PAX1: variants seen among roughly 807,000 people sequenced by gnomAD.
The protein encoded by PAX1 is paired box 1, also known as paired box protein Pax-1.
PAX1 carries 18 observed loss-of-function variants against 35.6 expected under a neutral mutation model. The observed-to-expected ratio is 0.50, with a 90% confidence interval of 0.35 to 0.75. The LOEUF is 0.75. Among genes scored for constraint, PAX1 ranks in the 30% least tolerant of loss-of-function variants. The pLI, the probability that PAX1 is intolerant of heterozygous loss-of-function variation, is 0.01. For synonymous variants in PAX1, 397 were observed against 305.2 expected (o/e 1.30, Z -3.14); for missense variants, 760 against 661.5 (o/e 1.15, Z -1.63).
chr20:21,707,024 G>A lies in PAX1; in HGVS notation c.873G>A (p.Ser291=), dbSNP rs199575819. The change falls in exon 2 of 5, where the codon TCG becomes TCA. Residue 291 remains serine (S), a synonymous_variant. Transcript: ENST00000613128. ...SIPRSWPSAH[S]VSNILGIRTF... is the part of the protein sequence containing the mutation. ...CGCGCTCATGGCCCTCGGCACACTC[G>A]GTCAGCAACATCCTGGGCATCCGGA... 12 of 1,613,080 alleles carry A rather than the reference G, an allele frequency of 7.4e-6. No homozygotes were observed. Among genetic ancestry groups the A allele is most frequent in the Non-Finnish European group, 9.3e-6 (11 of 1,180,016 alleles).
chr20:21,714,582 C>G lies in PAX1; in HGVS notation c.*20C>G. The stretch of plus-strand genomic sequence containing the variant: ...TCCTAGGGGCAGCTCTCCCCGGACC[C>G]GAGCCCGGAGGGAACGGCAGGCGGA... On this transcript the variant is annotated 3_prime_UTR_variant, in exon 5 of 5. Coordinates refer to ENST00000613128, the MANE Select transcript of PAX1 (RefSeq NM_001257096.2). 6.3e-7 allele frequency: 1 copy of G among 1,579,028 alleles called. No individual in the cohort carries two copies.
intron 3 of PAX1, 92 bp downstream of exon 3, chr20:21,708,792 T>A: frequency 2.9e-6 from 4 of 1,372,020 alleles, no homozygotes; most frequent in Non-Finnish European, 4.1e-6. Flanking sequence ...AAAGAAAAAA[T>A]TTCCAGGCAG....
rs755274621 is a variant in PAX1, at chr20:21,714,521, A to T, written c.1333A>T (p.Ser445Cys). ...CGGCAGCAAGGCCCCGGACGCCCTC[A>T]GTAGCTTACACGGACTGCCCATCCC... is the stretch of plus-strand genomic sequence containing the variant. ...SSGSKAPDALSSLHGLPIPAS... is the reference protein window; with the variant it reads ...SSGSKAPDALCSLHGLPIPAS... Residue 445 changes from serine (S) to cysteine (C), a missense_variant, in exon 5 of 5, where the codon AGT becomes TGT. Ser to Cys is a moderately radical substitution (Grantham distance 112). Coordinates refer to ENST00000613128, the MANE Select transcript of PAX1 (RefSeq NM_001257096.2). 1.9e-6 allele frequency: 3 copies of T among 1,596,478 alleles called. No homozygotes were observed. The highest frequency in any genetic ancestry group is 8.5e-7 in the Non-Finnish European group (1 of 1,173,124).
Position 21,714,621 on chromosome 20 carries a change from G to A in PAX1, c.*59G>A. The A allele has an allele frequency of 6.4e-7, 1 of 1,560,976 alleles. No individual in the cohort carries two copies. Among genetic ancestry groups the A allele is most frequent in the Non-Finnish European group, 8.6e-7 (1 of 1,156,672 alleles). On this transcript the variant is annotated 3_prime_UTR_variant, in exon 5 of 5. Coordinates refer to ENST00000613128, the MANE Select transcript of PAX1 (RefSeq NM_001257096.2). ...ACGGCAGGCGGACCCGGGCGCACAG[G>A]TCTGCGCGGCGGCCCCGGCAATCGG...
intron 4 of PAX1, among the ~76,000 whole-genome samples, chr20:21,711,036 C>A (rs534307591): frequency 1.3e-5 from 2 of 152,338 alleles, no homozygotes; most frequent in African/African-American, 4.8e-5. Flanking sequence ...CTTCACTCAT[C>A]CTCAGCCTCC....
chr20:21,708,040 G>T (rs1985073027), intron 2 of PAX1, among the ~76,000 whole-genome samples: 2 of 152,178 alleles, frequency 1.3e-5, no homozygotes, highest in Non-Finnish European at 2.9e-5. Flanking sequence ...TTGGTTCCTG[G>T]CACACACAAG....
Position 21,708,662 on chromosome 20 carries a change from G to C in PAX1, c.1021G>C (p.Glu341Gln), listed in dbSNP as rs1289242330. ...CGCCACCCCCGCAGTGAATGGGCTAGAGAAACCTGCCTTAGAGGCAGACAT... is the reference window on the plus strand; with the variant it reads ...CGCCACCCCCGCAGTGAATGGGCTACAGAAACCTGCCTTAGAGGCAGACAT... ...FPATPAVNGLEKPALEADIKY... is the reference protein window; with the variant it reads ...FPATPAVNGLQKPALEADIKY... Residue 341 changes from glutamate to glutamine, a missense_variant, in exon 3 of 5, where the codon GAG becomes CAG. By Grantham distance (29) the Glu-to-Gln change is conservative. This residue lies in a region of PAX1 where 490 missense variants were observed against 428.4 expected (regional missense o/e 1.14). Coordinates refer to ENST00000613128, the MANE Select transcript of PAX1 (RefSeq NM_001257096.2). 1.9e-6 allele frequency: 3 copies of C among 1,613,624 alleles called. No individual in the cohort carries two copies. Among genetic ancestry groups the C allele is most frequent in the Non-Finnish European group, 2.5e-6 (3 of 1,180,034 alleles).
chr20:21,708,085 C>G (rs2122136746), intron 2 of PAX1, among the ~76,000 whole-genome samples: 1 of 152,344 alleles, frequency 6.6e-6, no homozygotes, highest in South Asian at 2.1e-4. Context: ...CTATCTGACC[C>G]GTGGGGACAA....
Position 21,708,603 on chromosome 20 carries a change from A to G in PAX1, c.962A>G (p.Glu321Gly). The change falls in exon 3 of 5, where the codon GAA (glutamate) becomes GGA (glycine). Residue 321 changes from glutamate to glycine, a missense_variant. Around this residue, in one of 3 missense-constraint regions of PAX1, gnomAD observed 490 missense variants for 428.4 expected, o/e 1.14. Coordinates refer to ENST00000613128, the MANE Select transcript of PAX1 (RefSeq NM_001257096.2). ...GGCACCGCTTACTCTCCCAAGATGG[A>G]AGACTGGGCCGGCGTGAACCGCACG... is the stretch of plus-strand genomic sequence containing the variant. ...SEGTAYSPKM[E>G]DWAGVNRTAF... 2 of 1,613,756 alleles carry G rather than the reference A, an allele frequency of 1.2e-6. No homozygotes were observed. Among genetic ancestry groups the G allele is most frequent in the African/African-American group, 1.3e-5 (1 of 75,056 alleles).
In PAX1 at chr20:21,716,952, A is replaced by G. The variant is rs541218249; in HGVS notation, c.*2390A>G. ...AGGAATGAGAAGAATCTATATGACA[A>G]CTTCTACCTTTGAGTTGTCACCATC... is the stretch of plus-strand genomic sequence containing the variant. On this transcript the variant is annotated 3_prime_UTR_variant, in exon 5 of 5. Coordinates refer to ENST00000613128, the MANE Select transcript of PAX1 (RefSeq NM_001257096.2). The G allele has an allele frequency of 6.6e-6, 1 of 152,148 alleles. No homozygotes were observed. The allele number at this position is 152,148 out of a possible 1,614,324, so 9.4% of individuals were successfully genotyped here. A position where few individuals can be genotyped will look rare whatever the true frequency, so the allele number is the denominator to read the frequency against.
rs1985383441 is a variant in PAX1, at chr20:21,716,746, A to G, written c.*2184A>G. On this transcript the variant is annotated 3_prime_UTR_variant, in exon 5 of 5. Transcript: ENST00000613128. ...GCTTGTCATACTGATAATAGGAAAAAAGTATGACAGAGAAGCATGTTCCCA... is the reference window on the plus strand; with the variant it reads ...GCTTGTCATACTGATAATAGGAAAAGAGTATGACAGAGAAGCATGTTCCCA... The G allele has an allele frequency of 6.6e-6, 1 of 152,048 alleles. No individual in the cohort carries two copies. The highest frequency in any genetic ancestry group is 1.5e-5 in the Non-Finnish European group (1 of 68,020). 9.4% of individuals were successfully genotyped at this position (152,048 alleles called of 1,614,324 possible). A position where few individuals can be genotyped will look rare whatever the true frequency, so the allele number is the denominator to read the frequency against.
Position 21,705,897 on chromosome 20 carries a change from GC to G in PAX1, c.186del (p.Gly63AlafsTer40). 1 of 1,368,210 alleles carries G rather than the reference GC, an allele frequency of 7.3e-7. No homozygotes were observed. The highest frequency in any genetic ancestry group is 9.4e-7 in the Non-Finnish European group (1 of 1,058,794). 84.8% of individuals were successfully genotyped at this position (1,368,210 alleles called of 1,614,324 possible). A position where few individuals can be genotyped will look rare whatever the true frequency, so the allele number is the denominator to read the frequency against. On this transcript the variant is annotated frameshift_variant, in exon 1 of 5. Coordinates refer to ENST00000613128, the MANE Select transcript of PAX1 (RefSeq NM_001257096.2). LOFTEE classifies it high-confidence loss of function. ...GGCGCCCTCCCTCTATGCCTCTCAC[GC>G]GGCGGCGGCGGCGCCCAAGCTCTCC... ...LSGALPLCLSRGGGGAQALPD... is the reference protein window; with the variant it reads ...LSGALPLCLSXGGGGAQALPD...
chr20:21,706,807 G>A lies in PAX1; in HGVS notation c.656G>A (p.Arg219His), dbSNP rs781301842. ...YNVPSVSSIS[R>H]ILRNKIGSLA... Reference sequence around the variant, plus strand: ...GTGCCTTCGGTGAGCTCCATCAGCCGCATCCTGCGCAACAAGATCGGCAGC... The same window carrying A: ...GTGCCTTCGGTGAGCTCCATCAGCCACATCCTGCGCAACAAGATCGGCAGC... Residue 219 changes from arginine to histidine, a missense_variant, in exon 2 of 5, where the codon CGC becomes CAC. Around this residue, in one of 3 missense-constraint regions of PAX1, gnomAD observed 490 missense variants for 428.4 expected, o/e 1.14. Coordinates refer to ENST00000613128, the MANE Select transcript of PAX1 (RefSeq NM_001257096.2). This position sits in a 1 kb window ranked among gnomAD's most constrained non-coding sequence, Gnocchi z 5.3. 6.2e-7 allele frequency: 1 copy of A among 1,613,556 alleles called. No homozygotes were observed. The highest frequency in any genetic ancestry group is 1.7e-5 in the Admixed American group (1 of 60,038).
intron 4 of PAX1, among the ~76,000 whole-genome samples, 190 bp downstream of exon 4, chr20:21,709,634 A>G (rs2122140726): frequency 6.6e-6 from 1 of 152,206 alleles, no homozygotes; most frequent in Admixed American, 6.5e-5. Flanking sequence ...GTGTCCCTAT[A>G]AAGGTACCCG....
At position 21,707,038 on chromosome 20, in the gene PAX1, T is replaced by G. The variant is rs1394256023; in HGVS notation, c.887T>G (p.Leu296Arg). 6.2e-7 allele frequency: 1 copy of G among 1,612,962 alleles called. No homozygotes were observed. Among genetic ancestry groups the G allele is most frequent in the Non-Finnish European group, 8.5e-7 (1 of 1,180,032 alleles). ...WPSAHSVSNI[L>R]GIRTFMEQTG... ...TCGGCACACTCGGTCAGCAACATCC[T>G]GGGCATCCGGACGTTTATGGAGCAA... Residue 296 changes from leucine to arginine, a missense_variant, in exon 2 of 5, where the codon CTG (leucine) becomes CGG (arginine). This residue lies in a region of PAX1 where 490 missense variants were observed against 428.4 expected (regional missense o/e 1.14). Coordinates refer to ENST00000613128, the MANE Select transcript of PAX1 (RefSeq NM_001257096.2).
In PAX1 at chr20:21,714,928, C is replaced by A; in HGVS notation, c.*366C>A. 1.6e-5 allele frequency: 13 copies of A among 792,392 alleles called. No individual in the cohort carries two copies. Among genetic ancestry groups the A allele is most frequent in the Non-Finnish European group, 2.4e-5 (11 of 467,512 alleles). 49.1% of individuals were successfully genotyped at this position (792,392 alleles called of 1,614,324 possible). ...GCCTCTCTCCCTGTTTCCTTCCCCC[C>A]TCTTTCTTTCTCACTCTCCCTCCCT... On this transcript the variant is annotated 3_prime_UTR_variant, in exon 5 of 5. Transcript: ENST00000613128.
At chr20:21,709,151 C>T (rs1985110910) in intron 3 of PAX1, 71 bp from the exon 4 acceptor site, 2 of 1,165,920 alleles carry the variant, frequency 1.7e-6, no homozygotes, top group South Asian at 2.4e-5. Context: ...CGAAAACCCC[C>T]GTCTCAGTGA....
chr20:21,706,139 C>A lies in PAX1; in HGVS notation c.286+141C>A. The stretch of plus-strand genomic sequence containing the variant: ...AGCTGCATTCTCCTCTGATCCCCAG[C>A]CTTCAGGGGGCAGTTGAGCAAGTCT... On this transcript the variant is annotated intron_variant, in intron 1 of 4. Transcript: ENST00000613128. This position sits in a 1 kb window ranked among gnomAD's most constrained non-coding sequence, Gnocchi z 5.3. 3.7e-6 allele frequency: 3 copies of A among 820,380 alleles called. No homozygotes were observed. Among genetic ancestry groups the A allele is most frequent in the South Asian group, 1.5e-5 (1 of 66,874 alleles). 50.8% of individuals were successfully genotyped at this position (820,380 alleles called of 1,614,324 possible). A position where few individuals can be genotyped will look rare whatever the true frequency, so the allele number is the denominator to read the frequency against.
Position 21,714,646 on chromosome 20 carries a change from G to A in PAX1, c.*84G>A. ...GTCTGCGCGGCGGCCCCGGCAATCG[G>A]CACGGGCAGGATCGGAGGACTCGCG... is the stretch of plus-strand genomic sequence containing the variant. On this transcript the variant is annotated 3_prime_UTR_variant, in exon 5 of 5. Coordinates refer to ENST00000613128, the MANE Select transcript of PAX1 (RefSeq NM_001257096.2). 1.9e-6 allele frequency: 3 copies of A among 1,589,108 alleles called. No individual in the cohort carries two copies. Among genetic ancestry groups the A allele is most frequent in the African/African-American group, 2.7e-5 (2 of 74,696 alleles).
Sources: allele counts gnomAD v4.1 joint callset (sites outside exome capture counted in the v4.1 genomes callset), GRCh38; gene constraint gnomAD v4.1.1; regional missense constraint gnomAD v4.1.1; non-coding constraint Gnocchi (gnomAD v3.1); transcripts MANE v1.5; gene names NCBI Gene and HGNC (gene_info 2026-07-23, HGNC 2026-07-21).